NCAM2: variants seen among roughly 807,000 people sequenced by gnomAD.
NCAM2 encodes the protein neural cell adhesion molecule 2.
In NCAM2, 30 loss-of-function variants were observed where a neutral mutation model predicts 98.1. The observed-to-expected ratio is 0.31, with a 90% confidence interval of 0.23 to 0.41. The LOEUF is 0.41. Ranked by LOEUF, NCAM2 falls within the 10% of genes least tolerant of loss-of-function variation. NCAM2 has a pLI of 1.00. For synonymous variants in NCAM2, 368 were observed against 342.4 expected, an observed-to-expected ratio of 1.07 and a Z score of -0.83; for missense variants, 867 against 1,005.8, an observed-to-expected ratio of 0.86 and a Z score of 1.87.
chr21:21,443,253 A>G (rs529000702), intron 12 of NCAM2, among the ~76,000 whole-genome samples: 30 of 152,212 alleles, frequency 2.0e-4, no homozygotes, highest in African/African-American at 6.7e-4. Flanking sequence ...AGGGAGGGGA[A>G]CATCACACAC....
At chr21:21,249,620 T>G (rs1001180441) in intron 1 of NCAM2, among the ~76,000 whole-genome samples, 3 of 152,210 alleles carry the variant, frequency 2.0e-5, no homozygotes, top group Admixed American at 6.5e-5. Context: ...TTACAATAAA[T>G]GGCTTCTTAG....
At chr21:21,349,543 T>C (rs984889831) in intron 8 of NCAM2, among the ~76,000 whole-genome samples, 1 of 152,082 alleles carries the variant, frequency 6.6e-6, no homozygotes, top group African/African-American at 2.4e-5. Context: ...AAGCTAAAAG[T>C]CTAGCTACTC....
chr21:21,147,274 C>T, intron 1 of NCAM2: 1 of 983,726 alleles, frequency 1.0e-6, no homozygotes, highest in Non-Finnish European at 1.2e-6. Flanking sequence ...AGATGTGTCA[C>T]TGAATGAGAA....
intron 8 of NCAM2, among the ~76,000 whole-genome samples, chr21:21,367,472 T>G (rs1368199280): frequency 1.3e-5 from 2 of 152,016 alleles, no homozygotes; most frequent in Non-Finnish European, 2.9e-5. Context: ...GGAAAAATAC[T>G]ATAAATTATT....
intron 9 of NCAM2, among the ~76,000 whole-genome samples, chr21:21,380,616 C>T (rs1002754678): frequency 7.2e-5 from 11 of 151,892 alleles, no homozygotes; most frequent in African/African-American, 1.9e-4. Context: ...TCATGGATTC[C>T]TTCCTTTCTC....
chr21:21,003,562 G>A (rs1158566738), intron 1 of NCAM2, among the ~76,000 whole-genome samples: 1 of 152,138 alleles, frequency 6.6e-6, no homozygotes, highest in African/African-American at 2.4e-5. Flanking sequence ...CAATAAATAT[G>A]TGTAGGCAGG....
intron 8 of NCAM2, among the ~76,000 whole-genome samples, chr21:21,344,798 G>A (rs1281045925): frequency 6.6e-6 from 1 of 152,096 alleles, no homozygotes; most frequent in East Asian, 1.9e-4. Flanking sequence ...CAGTAGCCAG[G>A]GAGAGGTTAC....
intron 1 of NCAM2, among the ~76,000 whole-genome samples, chr21:21,228,539 A>C (rs538969783): frequency 7.3e-5 from 11 of 151,632 alleles, no homozygotes; most frequent in African/African-American, 2.7e-4. Flanking sequence ...GTACCTCTTC[A>C]TGAATCATGA....
At chr21:21,497,856 A>G (rs1420583402) in intron 15 of NCAM2, among the ~76,000 whole-genome samples, 2 of 152,172 alleles carry the variant, frequency 1.3e-5, no homozygotes, top group Non-Finnish European at 1.5e-5. Flanking sequence ...CTGAGGATGT[A>G]AAACATATAT....
chr21:21,416,438 A>G (rs1447550939), intron 10 of NCAM2, among the ~76,000 whole-genome samples: 31 of 149,608 alleles, frequency 2.1e-4, no homozygotes, highest in Admixed American at 1.8e-3. Flanking sequence ...ACTGTTGTTG[A>G]AAAAATGGTG....
chr21:21,001,084 T>C (rs1474172445), intron 1 of NCAM2, among the ~76,000 whole-genome samples: 3 of 152,126 alleles, frequency 2.0e-5, no homozygotes, highest in African/African-American at 7.2e-5. Context: ...CTTTGGAAAG[T>C]GGTGTGCAGT....
At chr21:21,262,587 C>T (rs1027891884) in intron 1 of NCAM2, among the ~76,000 whole-genome samples, 3 of 127,930 alleles carry the variant, frequency 2.3e-5, no homozygotes, top group African/African-American at 8.8e-5. Context: ...AGAACTGGTT[C>T]AGAAACAGAA....
intron 1 of NCAM2, among the ~76,000 whole-genome samples, chr21:21,185,677 T>C (rs1569122575): frequency 6.6e-6 from 1 of 152,144 alleles, no homozygotes; most frequent in African/African-American, 2.4e-5. Context: ...ATAAAGTATA[T>C]TCATAGCAGC....
chr21:21,292,372 C>A, intron 5 of NCAM2, 131 bp downstream of exon 5: 6 of 861,408 alleles, frequency 7.0e-6, no homozygotes, highest in Non-Finnish European at 1.0e-5. Context: ...AGAAATCTTT[C>A]CATCTTTATT....
intron 8 of NCAM2, among the ~76,000 whole-genome samples, chr21:21,372,271 T>C (rs1487535488): frequency 6.6e-6 from 1 of 151,812 alleles, no homozygotes; most frequent in Admixed American, 6.6e-5. Context: ...TATAAAAATA[T>C]TGAAATACCA....
intron 1 of NCAM2, among the ~76,000 whole-genome samples, chr21:21,151,030 A>T (rs1192072990): frequency 6.6e-6 from 1 of 151,594 alleles, no homozygotes; most frequent in African/African-American, 2.4e-5. Context: ...TTCTTGTGTC[A>T]GTTTTGGTGG....
chr21:21,176,203 TA>T lies in NCAM2; in HGVS notation c.56-104374del, dbSNP rs1242783718. Among the ~76,000 whole-genome samples, 16 of 152,320 alleles carry T rather than the reference TA, an allele frequency of 1.1e-4. No homozygotes were observed. The East Asian group carries it at 2.9e-3, about 28-fold the overall frequency. ...CACTAGGCTATTTGTATTACTGTGT[TA>T]CCATCTCTGAATCACTTGACTGGAA... is the stretch of plus-strand genomic sequence containing the variant. On this transcript the variant is annotated intron_variant, in intron 1 of 17. Coordinates refer to ENST00000400546, the MANE Select transcript of NCAM2 (RefSeq NM_004540.5).
chr21:21,299,773 A>G (rs1416269333), intron 5 of NCAM2, among the ~76,000 whole-genome samples: 1 of 151,932 alleles, frequency 6.6e-6, no homozygotes, highest in African/African-American at 2.4e-5. Flanking sequence ...ACGCTTAAGT[A>G]TTTGAAAGGA....
At chr21:21,305,323 A>G (rs981948701) in intron 5 of NCAM2, among the ~76,000 whole-genome samples, 1 of 152,114 alleles carries the variant, frequency 6.6e-6, no homozygotes, top group Non-Finnish European at 1.5e-5. Context: ...GTCTCAAATA[A>G]TAATAATAAT....
Sources: allele counts gnomAD v4.1 joint callset (sites outside exome capture counted in the v4.1 genomes callset), GRCh38; gene constraint gnomAD v4.1.1; transcripts MANE v1.5; gene names NCBI Gene and HGNC (gene_info 2026-07-23, HGNC 2026-07-21).